The following HUWE1 variants were observed in gnomAD, a reference collection of about 807,000 sequenced individuals.
HUWE1 encodes E3 ubiquitin-protein ligase HUWE1.
HUWE1 carries 18 observed loss-of-function variants against 299.4 expected under a neutral mutation model. The observed-to-expected ratio is 0.06, with a 90% confidence interval of 0.04 to 0.09. The LOEUF (loss-of-function observed/expected upper bound fraction) is 0.09. Among genes scored for constraint, HUWE1 ranks in the 10% least tolerant of loss-of-function variants. HUWE1 has a pLI of 1.00. For missense variants in HUWE1, 1,832 were observed against 3,462.3 expected (o/e 0.53, Z 11.82); for synonymous variants, 1,317 against 1,286.1 (o/e 1.02, Z -0.51).
intron 3 of HUWE1, among the ~76,000 whole-genome samples, chrX:53,654,719 T>C: frequency 8.9e-6 from 1 of 112,365 alleles, no homozygotes; most frequent in Non-Finnish European, 1.9e-5. Context: ...CACAAAGATG[T>C]TCATGATGAA....
At position 53,536,556 on chromosome X, in the gene HUWE1, G is replaced by C; in HGVS notation, c.12249C>G (p.Thr4083=). The C allele has an allele frequency of 8.3e-7, 1 of 1,211,196 alleles. No individual in the cohort carries two copies. The highest frequency in any genetic ancestry group is 1.8e-5 in the South Asian group (1 of 56,969). The change falls in exon 79 of 84, where the codon ACC becomes ACG. Residue 4083 remains threonine (T), a synonymous_variant. Transcript: ENST00000262854. The stretch of plus-strand genomic sequence containing the variant: ...TGTAGGTGACTCGATCACCAGGTGA[G>C]GTACGGAACAAGGCATACATAGGGT... The part of the protein sequence containing the change: ...MFNPMYALFR[T]SPGDRVTYTI...
At chrX:53,663,437 C>T (rs1042840663) in intron 3 of HUWE1, among the ~76,000 whole-genome samples, 5 of 110,636 alleles carry the variant, frequency 4.5e-5, no homozygotes, top group Non-Finnish European at 9.5e-5. Flanking sequence ...CGCTTAAACC[C>T]GGGAGGCGGA....
At chrX:53,536,346 T>C in intron 79 of HUWE1, 34 bp downstream of exon 79, 1 of 1,203,095 alleles carries the variant, frequency 8.3e-7, no homozygotes, top group Non-Finnish European at 1.1e-6. Flanking sequence ...CCCCCAGGAC[T>C]GAAGACAGTC....
rs782766541 is a variant in HUWE1, at chrX:53,536,371, C to T, written c.12425+9G>A. ...TGAAGACAGTCCCAGGACTATGCCT[C>T]ATCCTCACCTGACTGACTTGCCCAA... is the stretch of plus-strand genomic sequence containing the variant. On this transcript the variant is annotated intron_variant, in intron 79 of 83. Coordinates refer to ENST00000262854, the MANE Select transcript of HUWE1 (RefSeq NM_031407.7). The T allele has an allele frequency of 3.3e-6, 4 of 1,208,125 alleles. No individual in the cohort carries two copies. The East Asian group carries it at 8.9e-5, about 27-fold the overall frequency.
intron 75 of HUWE1, 83 bp downstream of exon 75, chrX:53,539,574 T>A: frequency 6.0e-6 from 6 of 1,004,765 alleles, no homozygotes; most frequent in Non-Finnish European, 7.1e-6. Context: ...AGGAGTAACC[T>A]GGAAGGAAGA....
At position 53,536,475 on chromosome X, in the gene HUWE1, G is replaced by A. The variant is rs375367345; in HGVS notation, c.12330C>T (p.Val4110=). The A allele has an allele frequency of 2.9e-4, 354 of 1,208,864 alleles. No homozygotes were observed. Among genetic ancestry groups the A allele is most frequent in the African/African-American group, 3.5e-4 (20 of 56,979 alleles). ...NPNHLSYFKF[V]GRIVAKAVYD... ...ATACAGCTTTGGCCACAATGCGTCCGACAAACTTGAAGTAGCTGAGGTGGT... is the reference window on the plus strand; with the variant it reads ...ATACAGCTTTGGCCACAATGCGTCCAACAAACTTGAAGTAGCTGAGGTGGT... Residue 4110 remains valine, a synonymous_variant, in exon 79 of 84, where the codon GTC becomes GTT. Coordinates refer to ENST00000262854, the MANE Select transcript of HUWE1 (RefSeq NM_031407.7).
chrX:53,631,783 T>C, intron 9 of HUWE1, 169 bp from the exon 10 acceptor site: 1 of 453,090 alleles, frequency 2.2e-6, no homozygotes, highest in Non-Finnish European at 3.9e-6. Context: ...AAAACATCCA[T>C]CTTATATGTA....
At chrX:53,659,212 T>G (rs1485733128) in intron 3 of HUWE1, among the ~76,000 whole-genome samples, 5 of 111,984 alleles carry the variant, frequency 4.5e-5, no homozygotes, top group Non-Finnish European at 1.9e-5. Context: ...CCCAAAGGAG[T>G]TGAAAACTTA....
At chrX:53,569,944 T>C (rs1358788452) in intron 47 of HUWE1, 117 bp from the exon 48 acceptor site, 3 of 621,836 alleles carry the variant, frequency 4.8e-6, no homozygotes, top group Non-Finnish European at 7.9e-6. Context: ...TGAGTGATTA[T>C]TAGGTCCACT....
At chrX:53,634,881 C>T (rs1318693591) in intron 7 of HUWE1, among the ~76,000 whole-genome samples, 3 of 112,388 alleles carry the variant, frequency 2.7e-5, no homozygotes, top group Non-Finnish European at 5.6e-5. Context: ...GGGGGAGTGG[C>T]TCAACTGGCT....
At chrX:53,546,648 T>C (rs1556923145) in intron 69 of HUWE1, 56 bp from the exon 70 acceptor site, 2 of 1,206,976 alleles carry the variant, frequency 1.7e-6, no homozygotes, top group Non-Finnish European at 2.2e-6. Flanking sequence ...AATCATTATC[T>C]ACCCTGTTTA....
intron 55 of HUWE1, 116 bp from the exon 56 acceptor site, chrX:53,560,532 C>CT (rs1226041675): frequency 1.7e-6 from 1 of 601,909 alleles, no homozygotes; most frequent in African/African-American, 2.2e-5. Context: ...GAGCTTTGTC[C>CT]TTTCTCCCTC....
At chrX:53,541,758 C>T (rs1556918700) in intron 74 of HUWE1, among the ~76,000 whole-genome samples, 1 of 111,810 alleles carries the variant, frequency 8.9e-6, no homozygotes, top group Non-Finnish European at 1.9e-5. Context: ...TCCAGCTACT[C>T]AGATAGCCAA....
Position 53,627,479 on chromosome X carries a change from C to T in HUWE1, c.1420G>A (p.Val474Met). Residue 474 changes from valine to methionine, a missense_variant, in exon 17 of 84, where the codon GTG becomes ATG. This residue lies in a region of HUWE1 where 658 missense variants were observed against 1,282.6 expected (regional missense o/e 0.51). Transcript: ENST00000262854. ...VDLCRKECPFVIKPKIQRPNT... is the reference protein window; with the variant it reads ...VDLCRKECPFMIKPKIQRPNT... ...GGTCTCTGGATCTTTGGCTTGATCA[C>T]AAACGGACATTCTTTTCGGCACAAA... 1 of 1,205,014 alleles carries T rather than the reference C, an allele frequency of 8.3e-7. No individual in the cohort carries two copies. Among genetic ancestry groups the T allele is most frequent in the Non-Finnish European group, 1.1e-6 (1 of 890,608 alleles).
chrX:53,533,739 G>C, intron 83 of HUWE1: 1 of 442,788 alleles, frequency 2.3e-6, no homozygotes, highest in East Asian at 3.8e-5. Flanking sequence ...TTTGCTCCCT[G>C]CAACTCCTCC....
At chrX:53,580,687 G>A (rs1294466575) in intron 43 of HUWE1, 144 bp downstream of exon 43, 1 of 561,996 alleles carries the variant, frequency 1.8e-6, no homozygotes, top group African/African-American at 2.3e-5. Flanking sequence ...CTAATAAATT[G>A]ACCCAAACAA....
chrX:53,576,398 T>C (rs1274871548), intron 44 of HUWE1, among the ~76,000 whole-genome samples: 2 of 111,967 alleles, frequency 1.8e-5, no homozygotes, highest in African/African-American at 6.5e-5. Context: ...TGGATGGGTG[T>C]GGTGGTCTCA....
At chrX:53,663,184 T>C (rs2069092100) in intron 3 of HUWE1, among the ~76,000 whole-genome samples, 1 of 111,693 alleles carries the variant, frequency 9.0e-6, no homozygotes, top group South Asian at 3.7e-4. Flanking sequence ...CAATGGAAAG[T>C]GAGAAAGCAT....
At chrX:53,557,153 A>C in intron 60 of HUWE1, 1 of 522,659 alleles carries the variant, frequency 1.9e-6, no homozygotes, top group East Asian at 3.5e-5. Context: ...AACCAGAACA[A>C]GAACCTGAAC....
Sources: gnomAD v4.1 joint callset for allele counts (sites outside exome capture counted in the v4.1 genomes callset) on GRCh38, gnomAD v4.1.1 for gene constraint, gnomAD v4.1.1 regional missense constraint, MANE v1.5 for transcripts, NCBI Gene and HGNC (gene_info 2026-07-23, HGNC 2026-07-21) for gene names.